KLF13: variants seen among roughly 807,000 people sequenced by gnomAD.
KLF13 encodes Krueppel-like factor 13.
A neutral mutation model predicts 16.7 loss-of-function variants in KLF13; 8 were observed. The observed-to-expected ratio is 0.48, with a 90% CI of 0.28 to 0.87. The LOEUF is 0.87. KLF13 is among the 40% of genes least tolerant of loss of function. KLF13 has a pLI of 0.10. For missense variants in KLF13, 447 were observed against 452.2 expected, an observed-to-expected ratio of 0.99 and a Z score of 0.10; for synonymous variants, 245 against 208.4, an observed-to-expected ratio of 1.18 and a Z score of -1.51.
At chr15:31,434,771 C>A (rs1022183280) in intron 1 of KLF13, among the ~76,000 whole-genome samples, 1 of 152,222 alleles carries the variant, frequency 6.6e-6, no homozygotes, top group African/African-American at 2.4e-5. Flanking sequence ...CAGCCCACGC[C>A]TCCCTGCCCC....
intron 1 of KLF13, among the ~76,000 whole-genome samples, chr15:31,418,890 C>T (rs998661010): frequency 3.8e-4 from 58 of 152,100 alleles, no homozygotes; most frequent in African/African-American, 1.3e-3. Context: ...CTAGAAGATC[C>T]CTTGTGCTCA....
At chr15:31,344,522 C>T (rs1441938961) in intron 1 of KLF13, among the ~76,000 whole-genome samples, 1 of 152,240 alleles carries the variant, frequency 6.6e-6, no homozygotes, top group Non-Finnish European at 1.5e-5. Flanking sequence ...ACTGTCATGG[C>T]TGGCCCATGG....
Position 31,327,758 on chromosome 15 carries a change from G to T in KLF13, c.546G>T (p.Ser182=). ...AGCEKVYGKS[S]HLKAHLRTHT... is the part of the protein sequence containing the mutation. ...GCGAGAAAGTTTACGGGAAATCTTC[G>T]CACCTCAAGGCGCACCTGAGAACTC... Residue 182 remains serine (S), a synonymous_variant, in exon 1 of 2, where the codon TCG becomes TCT. Transcript: ENST00000307145. The T allele has an allele frequency of 6.5e-7, 1 of 1,530,902 alleles. No homozygotes were observed. 94.8% of individuals were successfully genotyped at this position (1,530,902 alleles called of 1,614,324 possible).
downstream of KLF13, among the ~76,000 whole-genome samples, chr15:31,408,751 T>TGG (rs776036250): frequency 5.3e-5 from 8 of 152,120 alleles, no homozygotes; most frequent in Non-Finnish European, 1.2e-4. Context: ...ATTGTAATGA[T>TGG]TAGTGTGTTA....
intron 1 of KLF13, among the ~76,000 whole-genome samples, chr15:31,331,086 CAG>C (rs1421553966): frequency 6.6e-6 from 1 of 152,226 alleles, no homozygotes; most frequent in Non-Finnish European, 1.5e-5. Flanking sequence ...TCTTTCTTGG[CAG>C]AGAGACCCTG....
At chr15:31,415,210 C>T (rs2040241070) in intron 1 of KLF13, among the ~76,000 whole-genome samples, 2 of 152,136 alleles carry the variant, frequency 1.3e-5, no homozygotes, top group Admixed American at 1.3e-4. Context: ...TACCATGTTT[C>T]TTGTAAAGCC....
At chr15:31,336,515 G>C (rs1260867327) in intron 1 of KLF13, among the ~76,000 whole-genome samples, 2 of 152,144 alleles carry the variant, frequency 1.3e-5, no homozygotes, top group African/African-American at 4.8e-5. Flanking sequence ...TTCCTCCTCT[G>C]ATAAACTTCT....
chr15:31,388,519 G>A (rs1003961334), upstream of KLF13, among the ~76,000 whole-genome samples: 1 of 151,188 alleles, frequency 6.6e-6, no homozygotes, highest in Non-Finnish European at 1.5e-5. Context: ...TCAGGAGGCT[G>A]AGGCAGGAGA....
intron 1 of KLF13, among the ~76,000 whole-genome samples, chr15:31,343,952 C>T (rs184971084): frequency 1.3e-4 from 20 of 152,324 alleles, no homozygotes; most frequent in Non-Finnish European, 1.8e-4. Context: ...AGTGTCCCTC[C>T]CTCTGAGACG....
intron 1 of KLF13, among the ~76,000 whole-genome samples, chr15:31,367,647 T>C (rs1265881110): frequency 6.6e-6 from 1 of 152,096 alleles, no homozygotes; most frequent in African/African-American, 2.4e-5. Context: ...GAGTCTGAAT[T>C]TGGGTTGGCT....
At position 31,423,158 on chromosome 15, in the gene KLF13, T is replaced by C. The variant is rs1173524614; in HGVS notation, n.118-12212T>C. Among the ~76,000 whole-genome samples the C allele has an allele frequency of 2.2e-4, 27 of 120,490 alleles. 9 individuals are homozygous for C. The highest frequency in any genetic ancestry group is 1.1e-3 in the African/African-American group (26 of 22,762). The allele number at this position is 120,490 out of a possible 152,430, so 79.0% of individuals were successfully genotyped here. On this transcript the variant is annotated intron_variant and non_coding_transcript_variant, in intron 1 of 1. Coordinates refer to the KLF13 transcript ENST00000558225. Reference sequence around the variant, plus strand: ...GTATACGTATACGTATATATACGTATATATATGTATATATATACATATATA... The same window carrying C: ...GTATACGTATACGTATATATACGTACATATATGTATATATATACATATATA...
chr15:31,342,972 C>A (rs1270431636), intron 1 of KLF13, among the ~76,000 whole-genome samples: 1 of 152,238 alleles, frequency 6.6e-6, no homozygotes, highest in Non-Finnish European at 1.5e-5. Flanking sequence ...GCTCCGTGGA[C>A]ACTTGTGCCT....
intron 1 of KLF13, among the ~76,000 whole-genome samples, chr15:31,361,475 C>T (rs753238749): frequency 6.6e-6 from 1 of 152,136 alleles, no homozygotes; most frequent in Non-Finnish European, 1.5e-5. Flanking sequence ...AAAGAGTGTA[C>T]ATGCAGCTGT....
chr15:31,327,189 C>A lies in KLF13; in HGVS notation c.-24C>A. 1.5e-6 allele frequency: 2 copies of A among 1,305,810 alleles called. No individual in the cohort carries two copies. Among genetic ancestry groups the A allele is most frequent in the Non-Finnish European group, 1.9e-6 (2 of 1,029,132 alleles). The allele number at this position is 1,305,810 out of a possible 1,614,324, so 80.9% of individuals were successfully genotyped here. ...CGGCTGACGACTCGCAGCAAGAGCA[C>A]CGCCGCCGGCCCCAGCCCGCAGCAT... On this transcript the variant is annotated 5_prime_UTR_variant, in exon 1 of 2. Transcript: ENST00000307145.
chr15:31,422,328 G>C (rs2040338277), intron 1 of KLF13, among the ~76,000 whole-genome samples: 1 of 151,892 alleles, frequency 6.6e-6, no homozygotes, highest in African/African-American at 2.4e-5. Flanking sequence ...TTCATAGCTG[G>C]AGAGACCTCG....
chr15:31,358,569 T>C (rs1322561768), intron 1 of KLF13, among the ~76,000 whole-genome samples: 1 of 152,228 alleles, frequency 6.6e-6, no homozygotes, highest in Non-Finnish European at 1.5e-5. Flanking sequence ...AGTGTTCAGA[T>C]CTTTTGTTCA....
At chr15:31,417,322 C>G (rs1159741509) in intron 1 of KLF13, among the ~76,000 whole-genome samples, 1 of 151,840 alleles carries the variant, frequency 6.6e-6, no homozygotes, top group African/African-American at 2.4e-5. Flanking sequence ...TGGTGAAACC[C>G]CATCTCTACT....
chr15:31,361,909 T>C (rs1351968726), intron 1 of KLF13, among the ~76,000 whole-genome samples: 1 of 148,020 alleles, frequency 6.8e-6, no homozygotes, highest in Middle Eastern at 3.2e-3. Context: ...CTCTGCCCTC[T>C]TTCTTCCCTC....
intron 1 of KLF13, among the ~76,000 whole-genome samples, chr15:31,351,672 A>G (rs1402806762): frequency 6.6e-6 from 1 of 152,226 alleles, no homozygotes; most frequent in Non-Finnish European, 1.5e-5. Context: ...GCGCCCAGGT[A>G]TGCACCCTGG....
Sources: allele counts gnomAD v4.1 joint callset (sites outside exome capture counted in the v4.1 genomes callset), GRCh38; gene constraint gnomAD v4.1.1; transcripts MANE v1.5; gene names NCBI Gene and HGNC (gene_info 2026-07-23, HGNC 2026-07-21).